The following PHACTR1 variants were observed in gnomAD, a reference collection of about 807,000 sequenced individuals.
The protein encoded by PHACTR1 is RPEL repeat containing 1.
In PHACTR1, 16 loss-of-function variants were observed where a neutral mutation model predicts 69.2. The observed-to-expected ratio is 0.23, with a 90% CI of 0.16 to 0.35. PHACTR1 has a LOEUF of 0.35. Ranked by LOEUF, PHACTR1 falls within the 10% of genes least tolerant of loss-of-function variation. The probability of loss-of-function intolerance (pLI) is 1.00; values close to 1 mark genes in which losing one functional copy is unlikely to be tolerated. For synonymous variants in PHACTR1, 312 were observed against 284.5 expected, an observed-to-expected ratio of 1.10 and a Z score of -0.97; for missense variants, 510 against 734.7, an observed-to-expected ratio of 0.69 and a Z score of 3.54.
chr6:12,961,390 G>A (rs1387286729), intron 4 of PHACTR1, among the ~76,000 whole-genome samples: 1 of 152,240 alleles, frequency 6.6e-6, no homozygotes, highest in Admixed American at 6.5e-5. Flanking sequence ...CAGGGAAAGC[G>A]GTATTGAAAG....
At chr6:13,232,797 A>G (rs1299331892) in intron 10 of PHACTR1, among the ~76,000 whole-genome samples, 2 of 152,208 alleles carry the variant, frequency 1.3e-5, no homozygotes, top group Non-Finnish European at 2.9e-5. Context: ...CTCCTGACCC[A>G]GCTTGTTCAA....
chr6:13,035,992 T>G lies in PHACTR1; in HGVS notation c.251-17373T>G, dbSNP rs532750451. Among the ~76,000 whole-genome samples, 420 of 152,314 alleles carry G rather than the reference T, an allele frequency of 2.8e-3. 1 individual carries two copies. The highest frequency in any genetic ancestry group is 6.8e-3 in the Middle Eastern group (2 of 294). On this transcript the variant is annotated intron_variant, in intron 4 of 14. Transcript: ENST00000332995. ...TAGTGCCTACCACATGCTAACTCCA[T>G]TGCTAAATGTTTACATATATTCATT...
chr6:13,098,212 C>T (rs749868335), intron 5 of PHACTR1, among the ~76,000 whole-genome samples: 12 of 152,220 alleles, frequency 7.9e-5, no homozygotes, highest in Non-Finnish European at 1.5e-4. Context: ...GTAAGGTCCA[C>T]ACCCTCCATG....
At chr6:13,135,288 C>T (rs2127979708) in intron 5 of PHACTR1, among the ~76,000 whole-genome samples, 1 of 152,300 alleles carries the variant, frequency 6.6e-6, no homozygotes, top group Admixed American at 6.5e-5. Flanking sequence ...GTCTTTAGAT[C>T]GCCAGGGCCA....
chr6:13,062,621 C>T (rs1807843442), intron 5 of PHACTR1, among the ~76,000 whole-genome samples: 1 of 152,138 alleles, frequency 6.6e-6, no homozygotes, highest in Non-Finnish European at 1.5e-5. Flanking sequence ...AGAGTCTGTC[C>T]CTGGTGTCCA....
Position 13,124,626 on chromosome 6 carries a change from C to T in PHACTR1, c.416-35578C>T, listed in dbSNP as rs73723390. Among the ~76,000 whole-genome samples the T allele has an allele frequency of 6.7e-3, 1,019 of 152,226 alleles. 12 individuals carry two copies. The highest frequency in any genetic ancestry group is 0.023 in the African/African-American group (946 of 41,526). On this transcript the variant is annotated intron_variant, in intron 5 of 14. Transcript: ENST00000332995. The stretch of plus-strand genomic sequence containing the variant: ...ACACAAACCCATGTTTGTTAGCTTG[C>T]GCTGCCATAACAAAATACCACAGTC...
chr6:12,959,709 C>T (rs148758873), intron 4 of PHACTR1, among the ~76,000 whole-genome samples: 17 of 152,290 alleles, frequency 1.1e-4, no homozygotes, highest in African/African-American at 3.1e-4. Context: ...GGATGACCTC[C>T]AGGTACTACA....
chr6:13,285,079 A>T (rs548197893), intron 13 of PHACTR1, among the ~76,000 whole-genome samples: 6 of 152,186 alleles, frequency 3.9e-5, no homozygotes, highest in African/African-American at 1.2e-4. Flanking sequence ...TCCTGTCCAC[A>T]CTCTCTCTGC....
At chr6:12,826,032 T>C (rs148394090) in intron 4 of PHACTR1, among the ~76,000 whole-genome samples, 1 of 152,360 alleles carries the variant, frequency 6.6e-6, no homozygotes, top group African/African-American at 2.4e-5. Context: ...TGTTTCTCAG[T>C]ATGATTTTGT....
rs911618860 is a variant in PHACTR1 at position 13,188,096 on chromosome 6, T to C, written c.664+5410T>C. Among the ~76,000 whole-genome samples the C allele has an allele frequency of 3.9e-5, 6 of 152,322 alleles. No homozygotes were observed. The South Asian group carries it at 1.0e-3, about 26-fold the overall frequency. The stretch of plus-strand genomic sequence containing the variant: ...TCCTGAGAGAGTAGACTCTGTTATC[T>C]ATATGCCTCACCTCTATACAGCTTG... On this transcript the variant is annotated intron_variant, in intron 7 of 14. Transcript: ENST00000332995.
chr6:13,252,212 CA>C (rs537782699), intron 10 of PHACTR1, among the ~76,000 whole-genome samples: 2,090 of 73,694 alleles, frequency 0.028, 31 homozygotes, highest in African/African-American at 0.093. Flanking sequence ...CCTGCCTTTA[CA>C]AAAAAAAAAA....
At chr6:12,819,201 A>G (rs532525511) in intron 4 of PHACTR1, among the ~76,000 whole-genome samples, 5 of 152,272 alleles carry the variant, frequency 3.3e-5, no homozygotes, top group African/African-American at 4.8e-5. Flanking sequence ...GGATTTTTGT[A>G]GGTCTTTTGG....
At chr6:12,885,109 C>A (rs1004604380) in intron 4 of PHACTR1, among the ~76,000 whole-genome samples, 3 of 152,222 alleles carry the variant, frequency 2.0e-5, no homozygotes, top group Non-Finnish European at 4.4e-5. Flanking sequence ...GAGGGCACCA[C>A]TGATGCTTGC....
intron 7 of PHACTR1, among the ~76,000 whole-genome samples, chr6:13,201,137 G>A (rs922952531): frequency 1.3e-5 from 2 of 152,018 alleles, no homozygotes; most frequent in Non-Finnish European, 2.9e-5. Flanking sequence ...ACATGTAGGA[G>A]GAGCCATCCA....
intron 4 of PHACTR1, among the ~76,000 whole-genome samples, chr6:12,830,472 GGA>G (rs955503466): frequency 1.5e-4 from 23 of 152,126 alleles, no homozygotes; most frequent in African/African-American, 5.3e-4. Context: ...ATGACTAGAA[GGA>G]GAGAGGGGGA....
intron 4 of PHACTR1, among the ~76,000 whole-genome samples, chr6:12,931,948 G>C (rs1788921196): frequency 6.6e-6 from 1 of 151,738 alleles, no homozygotes; most frequent in Non-Finnish European, 1.5e-5. Flanking sequence ...TAGACCGGTG[G>C]TTCCAAGAGT....
chr6:12,838,907 T>C (rs1170349393), intron 4 of PHACTR1, among the ~76,000 whole-genome samples: 1 of 152,196 alleles, frequency 6.6e-6, no homozygotes, highest in Non-Finnish European at 1.5e-5. Flanking sequence ...TCGGAAAATG[T>C]TGGGGTCTTT....
chr6:13,110,196 T>A (rs1052084926), intron 5 of PHACTR1, among the ~76,000 whole-genome samples: 6 of 152,146 alleles, frequency 3.9e-5, no homozygotes, highest in Non-Finnish European at 5.9e-5. Context: ...TCTGTGTATC[T>A]TGTAGTTTTT....
chr6:13,242,758 G>A (rs577935040), intron 10 of PHACTR1, among the ~76,000 whole-genome samples: 6 of 152,186 alleles, frequency 3.9e-5, no homozygotes, highest in African/African-American at 1.2e-4. Context: ...CTTTGAGCTC[G>A]AGTGAGTTTG....
Sources: allele counts gnomAD v4.1 joint callset (sites outside exome capture counted in the v4.1 genomes callset), GRCh38; gene constraint gnomAD v4.1.1; transcripts MANE v1.5; gene names NCBI Gene and HGNC (gene_info 2026-07-23, HGNC 2026-07-21).